The following HPD variants were observed in gnomAD, a reference collection of about 807,000 sequenced individuals.
The protein encoded by HPD is 4-hydroxyphenylpyruvate dioxygenase, also known as 4-hydroxyphenylpyruvic acid oxidase.
HPD carries 35 observed loss-of-function variants against 56.9 expected under a neutral mutation model. That is an observed-to-expected ratio of 0.62 (90% CI 0.47 to 0.82). The LOEUF (loss-of-function observed/expected upper bound fraction) is 0.82. Ranked by LOEUF, HPD falls within the 40% of genes least tolerant of loss-of-function variation. The pLI, the probability that HPD is intolerant of heterozygous loss-of-function variation, is 0.00. For missense variants in HPD, 442 were observed against 506.8 expected (o/e 0.87, Z 1.23); for synonymous variants, 186 against 200.2 (o/e 0.93, Z 0.60).
the HPD span, among the ~76,000 whole-genome samples, chr12:121,880,847 T>A: frequency 4.6e-5 from 7 of 152,138 alleles, no homozygotes; most frequent in Admixed American, 1.3e-4. Flanking sequence ...CAGGCTGGTG[T>A]GCAGTGGCGT....
At chr12:121,880,384 T>G in the HPD span, among the ~76,000 whole-genome samples, 5 of 152,014 alleles carry the variant, frequency 3.3e-5, no homozygotes, top group Non-Finnish European at 7.4e-5. Context: ...TTAATAGAGA[T>G]GGGGTTTCAC....
At chr12:121,882,304 G>A in the HPD span, among the ~76,000 whole-genome samples, 1 of 152,004 alleles carries the variant, frequency 6.6e-6, no homozygotes, top group East Asian at 1.9e-4. Flanking sequence ...ACCAGGTCTC[G>A]CCAGGGATCT....
At chr12:121,870,319 T>C in the HPD span, among the ~76,000 whole-genome samples, 1 of 152,044 alleles carries the variant, frequency 6.6e-6, no homozygotes, top group Non-Finnish European at 1.5e-5. Flanking sequence ...AAGTAGGTGC[T>C]CTCATATCCC....
chr12:121,880,989 C>T, the HPD span, among the ~76,000 whole-genome samples: 3,932 of 152,208 alleles, frequency 0.026, 71 homozygotes, highest in Non-Finnish European at 0.043. Context: ...AGTAGGATTT[C>T]GCCATGTTGG....
At chr12:121,885,643 G>A in the HPD span, among the ~76,000 whole-genome samples, 1 of 151,944 alleles carries the variant, frequency 6.6e-6, no homozygotes, top group African/African-American at 2.4e-5. Context: ...TATCAAGGGT[G>A]GGAGGATATT....
chr12:121,856,111 C>T (rs1160951047), intron 6 of HPD: 11 of 640,704 alleles, frequency 1.7e-5, no homozygotes, highest in Admixed American at 1.7e-4. Flanking sequence ...AGGGCACCCC[C>T]GGAGCCCAGG....
chr12:121,840,797 A>G (rs2137607089), intron 12 of HPD, among the ~76,000 whole-genome samples: 1 of 151,940 alleles, frequency 6.6e-6, no homozygotes, highest in African/African-American at 2.4e-5. Flanking sequence ...GGGGGTGGCC[A>G]GGCATGGTGG....
At chr12:121,845,505 G>C (rs1386182314) in intron 11 of HPD, among the ~76,000 whole-genome samples, 1 of 150,730 alleles carries the variant, frequency 6.6e-6, no homozygotes, top group Non-Finnish European at 1.5e-5. Context: ...GGAGGCTGAG[G>C]CAGGAGAATG....
At chr12:121,885,079 C>T in the HPD span, among the ~76,000 whole-genome samples, 1 of 151,898 alleles carries the variant, frequency 6.6e-6, no homozygotes, top group Non-Finnish European at 1.5e-5. Flanking sequence ...TTAGTAGAGA[C>T]GGGGTTTCAC....
At chr12:121,884,053 A>G in the HPD span, among the ~76,000 whole-genome samples, 1 of 152,168 alleles carries the variant, frequency 6.6e-6, no homozygotes, top group Non-Finnish European at 1.5e-5. Flanking sequence ...AATTTAATAT[A>G]AAGTTCATAT....
chr12:121,846,977 C>G, intron 10 of HPD, 44 bp from the exon 11 acceptor site: 1 of 1,613,018 alleles, frequency 6.2e-7, no homozygotes, highest in East Asian at 2.2e-5. Flanking sequence ...TGCCCCATCA[C>G]CCACATCCCT....
chr12:121,861,164 C>T (rs751872199), upstream of HPD, among the ~76,000 whole-genome samples: 8 of 151,838 alleles, frequency 5.3e-5, no homozygotes, highest in South Asian at 2.1e-4. Flanking sequence ...GGTGAAACAC[C>T]GTCTCTACTA....
rs1295331734 is a variant in HPD, at chr12:121,839,536, G to A, written c.*192C>T. On this transcript the variant is annotated 3_prime_UTR_variant, in exon 14 of 14. Transcript: ENST00000289004. ...AAACACAGACACAGTATTGGACCGG[G>A]GCACGCTTTAATCGGGAGGGCTGGA... 3.2e-6 allele frequency: 2 copies of A among 625,376 alleles called. No individual in the cohort carries two copies. Among genetic ancestry groups the A allele is most frequent in the East Asian group, 2.7e-5 (1 of 36,666 alleles). 38.7% of individuals were successfully genotyped at this position (625,376 alleles called of 1,614,324 possible).
the HPD span, among the ~76,000 whole-genome samples, chr12:121,873,964 C>T: frequency 1.3e-5 from 2 of 152,148 alleles, no homozygotes; most frequent in African/African-American, 4.8e-5. Flanking sequence ...GCCTGGGTGA[C>T]AGAGCAAGAC....
chr12:121,856,571 C>T lies in HPD; in HGVS notation c.241+12G>A, dbSNP rs776324986. The T allele has an allele frequency of 2.7e-5, 44 of 1,613,782 alleles. No homozygotes were observed. Among genetic ancestry groups the T allele is most frequent in the Non-Finnish European group, 3.2e-5 (38 of 1,179,822 alleles). On this transcript the variant is annotated intron_variant, in intron 5 of 13. Transcript: ENST00000289004. ...CACAGAGCCATGCGTCCACCCTCCC[C>T]GGGCACCTCACCTTTGTTCCAGGGG...
the HPD span, among the ~76,000 whole-genome samples, chr12:121,883,180 TTGTGTGTGTGTGTGTG>T: frequency 0.02 from 2,293 of 115,462 alleles, 36 homozygotes; most frequent in African/African-American, 0.046. Context: ...GGAGCATAAG[TTGTGTGTGTGTGTGTG>T]TGTGTGTGTG....
At chr12:121,886,082 A>G in the HPD span, among the ~76,000 whole-genome samples, 2 of 149,012 alleles carry the variant, frequency 1.3e-5, no homozygotes, top group Non-Finnish European at 3.0e-5. Context: ...GGCGTAAGCC[A>G]CCGCACCTGG....
At chr12:121,884,833 A>G in the HPD span, among the ~76,000 whole-genome samples, 812 of 152,226 alleles carry the variant, frequency 5.3e-3, 3 homozygotes, top group Non-Finnish European at 8.1e-3. Flanking sequence ...TTACAGAGTC[A>G]CCAATTATTA....
chr12:121,857,985 T>C (rs1361500139), intron 2 of HPD, among the ~76,000 whole-genome samples, 166 bp from the exon 3 acceptor site: 2 of 151,948 alleles, frequency 1.3e-5, no homozygotes, highest in Admixed American at 1.3e-4. Flanking sequence ...AGGTTTCTCA[T>C]GTGGAAGTTG....
Sources: gnomAD v4.1 joint callset for allele counts (sites outside exome capture counted in the v4.1 genomes callset) on GRCh38, gnomAD v4.1.1 for gene constraint, MANE v1.5 for transcripts, NCBI Gene and HGNC (gene_info 2026-07-23, HGNC 2026-07-21) for gene names.